The following DYSF variants were observed in gnomAD, a reference collection of about 807,000 sequenced individuals.
DYSF encodes the protein dystrophy-associated fer-1-like 1.
In DYSF, 212 loss-of-function variants were observed where a neutral mutation model predicts 274.9. The observed-to-expected ratio is 0.77, with a 90% confidence interval of 0.69 to 0.86. The LOEUF is 0.86. Ranked by LOEUF, DYSF falls within the 40% of genes least tolerant of loss-of-function variation. The probability of loss-of-function intolerance (pLI) is 0.00; values close to 1 mark genes in which losing one functional copy is unlikely to be tolerated. For synonymous variants in DYSF, 1,091 were observed against 1,078.7 expected (o/e 1.01, Z -0.22); for missense variants, 2,666 against 2,783.2 (o/e 0.96, Z 0.95).
intron 3 of DYSF, among the ~76,000 whole-genome samples, chr2:71,496,412 CG>C (rs2084398963): frequency 2.0e-5 from 3 of 152,056 alleles, no homozygotes; most frequent in Non-Finnish European, 4.4e-5. Context: ...GAGGGGAACA[CG>C]GGGACAAGCG....
Position 71,590,201 on chromosome 2 carries a change from C to T in DYSF, c.3497-10C>T, listed in dbSNP as rs1399992374. On this transcript the variant is annotated splice_polypyrimidine_tract_variant and intron_variant, in intron 31 of 55. Transcript: ENST00000410020. ...TCACTCTGGCACCTCTGTTTTTTCC[C>T]TTGGTGAAGATGGGAACCGCTACCA... 1.2e-6 allele frequency: 2 copies of T among 1,614,080 alleles called. No individual in the cohort carries two copies. Among genetic ancestry groups the T allele is most frequent in the South Asian group, 1.1e-5 (1 of 91,076 alleles).
intron 46 of DYSF, among the ~76,000 whole-genome samples, chr2:71,664,832 G>A (rs1006186479): frequency 3.3e-5 from 5 of 152,222 alleles, no homozygotes; most frequent in Admixed American, 2.0e-4. Context: ...GGGGAATTTT[G>A]TGATGGTTTA....
chr2:71,512,099 T>C (rs1159704908), intron 5 of DYSF, among the ~76,000 whole-genome samples, 178 bp downstream of exon 5: 1 of 152,200 alleles, frequency 6.6e-6, no homozygotes, highest in African/African-American at 2.4e-5. Context: ...AGGGCTGCCT[T>C]CTGCTGTGCA....
Position 71,686,641 on chromosome 2 carries a change from A to G in DYSF, c.*149A>G, listed in dbSNP as rs2095359320. 5 of 886,068 alleles carry G rather than the reference A, an allele frequency of 5.6e-6. No individual in the cohort carries two copies. The East Asian group carries it at 9.9e-5, about 18-fold the overall frequency. The allele number at this position is 886,068 out of a possible 1,614,324, so 54.9% of individuals were successfully genotyped here. ...CAGACAGACAGATGGACCGGCCCAC[A>G]CTCCCAGAGTTGCTAACATGGAGCT... is the stretch of plus-strand genomic sequence containing the variant. On this transcript the variant is annotated 3_prime_UTR_variant, in exon 56 of 56. Coordinates refer to ENST00000410020, the MANE Select transcript of DYSF (RefSeq NM_001130987.2).
intron 54 of DYSF, among the ~76,000 whole-genome samples, chr2:71,681,572 A>G (rs930054817): frequency 4.6e-5 from 7 of 152,186 alleles, no homozygotes; most frequent in South Asian, 2.1e-4. Flanking sequence ...TGGCTCTCCT[A>G]TGGTGCCAGT....
At chr2:71,505,807 C>T (rs529833451) in intron 4 of DYSF, among the ~76,000 whole-genome samples, 10 of 152,190 alleles carry the variant, frequency 6.6e-5, no homozygotes, top group Non-Finnish European at 1.0e-4. Flanking sequence ...AAAACTCAGT[C>T]GGCATCACCC....
chr2:71,640,188 T>A (rs2094465522), intron 41 of DYSF, among the ~76,000 whole-genome samples: 1 of 152,236 alleles, frequency 6.6e-6, no homozygotes, highest in Admixed American at 6.5e-5. Context: ...ATGAAAATTA[T>A]TGGCAGAGGC....
chr2:71,463,019 T>G (rs1395485403), upstream of DYSF, among the ~76,000 whole-genome samples: 13 of 152,178 alleles, frequency 8.5e-5, no homozygotes, highest in Non-Finnish European at 1.9e-4. Flanking sequence ...ATCCCTGGCT[T>G]GTAGGTGGGG....
At chr2:71,512,192 C>T (rs1017214592) in intron 5 of DYSF, among the ~76,000 whole-genome samples, 25 of 152,260 alleles carry the variant, frequency 1.6e-4, no homozygotes, top group South Asian at 4.2e-4. Context: ...TGCCTGGGGA[C>T]GGGGCTGAGC....
chr2:71,497,310 G>C (rs980350822), intron 3 of DYSF, among the ~76,000 whole-genome samples: 3 of 152,178 alleles, frequency 2.0e-5, no homozygotes, highest in Non-Finnish European at 2.9e-5. Flanking sequence ...CGGTTTGGCT[G>C]TGTCCCCACC....
intron 5 of DYSF, 119 bp downstream of exon 5, chr2:71,512,040 A>T: frequency 3.0e-6 from 2 of 676,896 alleles, no homozygotes; most frequent in Non-Finnish European, 5.4e-6. Context: ...CCCAGGTTGG[A>T]GGCTGCCCAG....
intron 4 of DYSF, among the ~76,000 whole-genome samples, chr2:71,508,109 G>T (rs1365548939): frequency 2.0e-5 from 3 of 152,140 alleles, no homozygotes; most frequent in African/African-American, 7.2e-5. Flanking sequence ...GATTCCTGTG[G>T]CTATTCCTAA....
chr2:71,638,046 C>T (rs548932893), intron 41 of DYSF, among the ~76,000 whole-genome samples: 61 of 151,704 alleles, frequency 4.0e-4, no homozygotes, highest in African/African-American at 1.3e-3. Context: ...GGAATTGCAG[C>T]CAAGAGGGGA....
intron 6 of DYSF, 112 bp downstream of exon 6, chr2:71,513,444 A>G: frequency 8.5e-7 from 1 of 1,182,126 alleles, no homozygotes; most frequent in South Asian, 1.5e-5. Flanking sequence ...CTCCTCCTGC[A>G]GGACTTGGCG....
intron 18 of DYSF, 78 bp from the exon 19 acceptor site, chr2:71,551,529 C>G: frequency 7.8e-7 from 1 of 1,281,116 alleles, no homozygotes; most frequent in Middle Eastern, 1.8e-4. Context: ...TGAGCTACCT[C>G]AGGGCCAGAG....
intron 19 of DYSF, 59 bp downstream of exon 19, chr2:71,551,779 C>A: frequency 2.8e-6 from 4 of 1,411,890 alleles, no homozygotes; most frequent in Non-Finnish European, 3.9e-6. Flanking sequence ...GATGGCCAGG[C>A]TGGGACTGGC....
chr2:71,480,818 C>A, intron 1 of DYSF, 65 bp from the exon 2 acceptor site: 1 of 1,452,348 alleles, frequency 6.9e-7, no homozygotes, highest in Non-Finnish European at 9.7e-7. Flanking sequence ...AGAAGCTGAG[C>A]CTAACTCAGC....
chr2:71,494,431 A>C (rs2084177527), intron 3 of DYSF, among the ~76,000 whole-genome samples: 1 of 152,150 alleles, frequency 6.6e-6, no homozygotes, highest in Admixed American at 6.5e-5. Context: ...GAAGTTTGTT[A>C]AGATGTACTT....
Position 71,686,519 on chromosome 2 carries a change from C to T in DYSF, c.*27C>T, listed in dbSNP as rs199573560. Reference sequence around the variant, plus strand: ...GACTCTCCTGCCCTGTAGAAGGGGCCGTGGGGTCCCCTCCAGCATGGGACT... The same window carrying T: ...GACTCTCCTGCCCTGTAGAAGGGGCTGTGGGGTCCCCTCCAGCATGGGACT... On this transcript the variant is annotated 3_prime_UTR_variant, in exon 56 of 56. Transcript: ENST00000410020. The T allele has an allele frequency of 3.4e-5, 55 of 1,613,744 alleles. No homozygotes were observed. Among genetic ancestry groups the T allele is most frequent in the Non-Finnish European group, 3.6e-5 (43 of 1,179,892 alleles).
Sources: gnomAD v4.1 joint callset for allele counts (sites outside exome capture counted in the v4.1 genomes callset) on GRCh38, gnomAD v4.1.1 for gene constraint, MANE v1.5 for transcripts, NCBI Gene and HGNC (gene_info 2026-07-23, HGNC 2026-07-21) for gene names.